The following LMX1B variants were observed in gnomAD, a reference collection of about 807,000 sequenced individuals.
LMX1B encodes LIM homeobox transcription factor 1 beta.
A neutral mutation model predicts 51.4 loss-of-function variants in LMX1B; 12 were observed. The ratio of observed to expected loss-of-function variants is 0.23; its 90% CI spans 0.15 to 0.38. The LOEUF (loss-of-function observed/expected upper bound fraction) is 0.38. LMX1B is among the 10% of genes least tolerant of loss of function. LMX1B has a pLI of 1.00. For missense variants in LMX1B, 445 were observed against 571.1 expected, an observed-to-expected ratio of 0.78 and a Z score of 2.25; for synonymous variants, 237 against 235.4, an observed-to-expected ratio of 1.01 and a Z score of -0.06.
intron 2 of LMX1B, among the ~76,000 whole-genome samples, chr9:126,643,186 C>T (rs533581715): frequency 6.6e-6 from 1 of 152,216 alleles, no homozygotes; most frequent in South Asian, 2.1e-4. Context: ...GGCAGTTCTC[C>T]AGGTAGCTGG....
At chr9:126,628,240 G>T (rs1274314616) in intron 2 of LMX1B, among the ~76,000 whole-genome samples, 2 of 152,190 alleles carry the variant, frequency 1.3e-5, no homozygotes, top group Non-Finnish European at 2.9e-5. Context: ...CCAGTGGGCT[G>T]CTAGGACCTC....
Position 126,695,168 on chromosome 9 carries a change from T to G in LMX1B, c.887-671T>G, listed in dbSNP as rs2030281071. ...CCCTTCCTCTGGCTTCCTCACCCAC[T>G]GGCCCCAGCCTCGGTCTCCTCCTCC... is the stretch of plus-strand genomic sequence containing the variant. On this transcript the variant is annotated intron_variant, in intron 6 of 7. Coordinates refer to ENST00000373474, the MANE Select transcript of LMX1B (RefSeq NM_001174147.2). This position sits in a 1 kb window ranked among gnomAD's most constrained non-coding sequence, Gnocchi z 5.2. Among the ~76,000 whole-genome samples the G allele has an allele frequency of 6.6e-6, 1 of 152,160 alleles. No homozygotes were observed. The highest frequency in any genetic ancestry group is 2.4e-5 in the African/African-American group (1 of 41,434).
In LMX1B at chr9:126,695,732, G is replaced by T; in HGVS notation, c.887-107G>T. 7.7e-7 allele frequency: 1 copy of T among 1,300,446 alleles called. No individual in the cohort carries two copies. Among genetic ancestry groups the T allele is most frequent in the South Asian group, 1.3e-5 (1 of 75,634 alleles). 80.6% of individuals were successfully genotyped at this position (1,300,446 alleles called of 1,614,324 possible). A position where few individuals can be genotyped will look rare whatever the true frequency, so the allele number is the denominator to read the frequency against. ...GTCAGTGTCTGGACAGCTTCAGCCA[G>T]AGTGGGGTGCCTGGGGAGTCCCAAG... On this transcript the variant is annotated intron_variant, in intron 6 of 7. Coordinates refer to ENST00000373474, the MANE Select transcript of LMX1B (RefSeq NM_001174147.2). The surrounding 1 kb of genome is among the most constrained non-coding windows in gnomAD (Gnocchi z 5.2).
chr9:126,630,521 A>G (rs2118858868), intron 2 of LMX1B, among the ~76,000 whole-genome samples: 1 of 152,206 alleles, frequency 6.6e-6, no homozygotes, highest in African/African-American at 2.4e-5. Flanking sequence ...ACAGGGGAGG[A>G]AATTAAAGCA....
At chr9:126,646,266 C>T (rs1442429634) in intron 2 of LMX1B, among the ~76,000 whole-genome samples, 3 of 151,750 alleles carry the variant, frequency 2.0e-5, no homozygotes, top group African/African-American at 7.3e-5. Context: ...GTGCCTGATC[C>T]CTCCCACTCT....
At chr9:126,622,375 G>A (rs1021943131) in intron 2 of LMX1B, among the ~76,000 whole-genome samples, 5 of 152,210 alleles carry the variant, frequency 3.3e-5, no homozygotes, top group African/African-American at 1.2e-4. Context: ...AGCTGGGGAA[G>A]GTTGTGACGG....
At position 126,673,674 on chromosome 9, in the gene LMX1B, G is replaced by T. The variant is rs1157538677; in HGVS notation, c.327-17162G>T. 6.6e-6 allele frequency among the ~76,000 whole-genome samples: 1 copy of T among 152,126 alleles called. No homozygotes were observed. Among genetic ancestry groups the T allele is most frequent in the East Asian group, 1.9e-4 (1 of 5,182 alleles). Reference sequence around the variant, plus strand: ...AGGGGGCATCGGGGGCATGGCTAGGGGCCAGCACTGTGCTTCCTGGGCGCC... The same window carrying T: ...AGGGGGCATCGGGGGCATGGCTAGGTGCCAGCACTGTGCTTCCTGGGCGCC... On this transcript the variant is annotated intron_variant, in intron 2 of 7. Coordinates refer to ENST00000373474, the MANE Select transcript of LMX1B (RefSeq NM_001174147.2). The surrounding 1 kb of genome is among the most constrained non-coding windows in gnomAD (Gnocchi z 4.4).
At position 126,615,377 on chromosome 9, in the gene LMX1B, C is replaced by G; in HGVS notation, c.140-6C>G. 1 of 1,589,010 alleles carries G rather than the reference C, an allele frequency of 6.3e-7. No individual in the cohort carries two copies. Among genetic ancestry groups the G allele is most frequent in the Non-Finnish European group, 8.5e-7 (1 of 1,171,438 alleles). On this transcript the variant is annotated splice_region_variant and splice_polypyrimidine_tract_variant and intron_variant, in intron 1 of 7. Transcript: ENST00000373474. This position sits in a 1 kb window ranked among gnomAD's most constrained non-coding sequence, Gnocchi z 6.0. ...GACGGCCGGGCTTTCGCCCTGTGCG[C>G]TACAGGCTCCGACTGCCCGCATCCC... is the stretch of plus-strand genomic sequence containing the variant.
chr9:126,667,315 C>T (rs538058170), intron 2 of LMX1B, among the ~76,000 whole-genome samples: 30 of 152,370 alleles, frequency 2.0e-4, no homozygotes, highest in African/African-American at 7.0e-4. Context: ...CTGTATCTTG[C>T]AGCCACGACG....
At chr9:126,648,998 C>A (rs1835954284) in intron 2 of LMX1B, among the ~76,000 whole-genome samples, 1 of 152,154 alleles carries the variant, frequency 6.6e-6, no homozygotes, top group South Asian at 2.1e-4. Flanking sequence ...CCATCCAGAA[C>A]CTGGCCTGCT....
chr9:126,669,110 G>A (rs558833464), intron 2 of LMX1B, among the ~76,000 whole-genome samples: 4 of 152,348 alleles, frequency 2.6e-5, no homozygotes, highest in South Asian at 2.1e-4. Context: ...CCCCGAGGGC[G>A]GAGGACGAGG....
At position 126,660,441 on chromosome 9, in the gene LMX1B, G is replaced by A. The variant is rs894975048; in HGVS notation, c.327-30395G>A. Among the ~76,000 whole-genome samples the A allele has an allele frequency of 4.6e-5, 7 of 152,164 alleles. No individual in the cohort carries two copies. The East Asian group carries it at 1.2e-3, about 25-fold the overall frequency. ...GTGACTTCTAAGGGCAGTGTAAATA[G>A]TATAGCAATGAATGTGGATGCTGCA... is the stretch of plus-strand genomic sequence containing the variant. On this transcript the variant is annotated intron_variant, in intron 2 of 7. Transcript: ENST00000373474.
In LMX1B at chr9:126,678,336, A is replaced by C. The variant is rs934144848; in HGVS notation, c.327-12500A>C. Reference sequence around the variant, plus strand: ...AAAAAAAAAAACAAAAAACAAAAAAAAAAAACAAAAAGACTGCGGAGAAGC... The same window carrying C: ...AAAAAAAAAAACAAAAAACAAAAAACAAAAACAAAAAGACTGCGGAGAAGC... On this transcript the variant is annotated intron_variant, in intron 2 of 7. Coordinates refer to ENST00000373474, the MANE Select transcript of LMX1B (RefSeq NM_001174147.2). Among the ~76,000 whole-genome samples, 46 of 132,596 alleles carry C rather than the reference A, an allele frequency of 3.5e-4. 1 individual carries two copies. The highest frequency in any genetic ancestry group is 9.7e-4 in the East Asian group (5 of 5,180). 87.0% of individuals were successfully genotyped at this position (132,596 alleles called of 152,430 possible).
At position 126,614,601 on chromosome 9, in the gene LMX1B, T is replaced by C; in HGVS notation, c.139+13T>C. On this transcript the variant is annotated intron_variant, in intron 1 of 7. Transcript: ENST00000373474. Reference sequence around the variant, plus strand: ...GGGGTGCTGCTGGGTGAGTGCGGGGTCGGAACGCCCGAGTGGTCTCGGGCG... The same window carrying C: ...GGGGTGCTGCTGGGTGAGTGCGGGGCCGGAACGCCCGAGTGGTCTCGGGCG... 6.4e-7 allele frequency: 1 copy of C among 1,567,536 alleles called. No individual in the cohort carries two copies. Among genetic ancestry groups the C allele is most frequent in the Non-Finnish European group, 8.7e-7 (1 of 1,155,162 alleles).
rs115444524 is a variant in LMX1B, at chr9:126,666,675, G to A, written c.327-24161G>A. Among the ~76,000 whole-genome samples the A allele has an allele frequency of 3.6e-3, 546 of 152,336 alleles. 7 individuals carry two copies. The highest frequency in any genetic ancestry group is 0.012 in the African/African-American group (496 of 41,564). On this transcript the variant is annotated intron_variant, in intron 2 of 7. Coordinates refer to ENST00000373474, the MANE Select transcript of LMX1B (RefSeq NM_001174147.2). ...CTGTACGCTGATAACACACTGGGTA[G>A]TCAGGGCTGCCCTGTCCTGTTGCGT...
At chr9:126,689,902 C>T (rs1328951138) in intron 2 of LMX1B, among the ~76,000 whole-genome samples, 5 of 152,162 alleles carry the variant, frequency 3.3e-5, no homozygotes, top group African/African-American at 1.2e-4. Context: ...AGGGTTGTTG[C>T]AAGGATTAAA....
intron 2 of LMX1B, among the ~76,000 whole-genome samples, chr9:126,682,667 T>TG (rs1392539986): frequency 4.6e-5 from 7 of 151,818 alleles, no homozygotes; most frequent in Non-Finnish European, 1.0e-4. Flanking sequence ...GAGCCCTAGG[T>TG]GGGGGGATCA....
chr9:126,689,901 G>C (rs141470762), intron 2 of LMX1B, among the ~76,000 whole-genome samples: 25 of 152,318 alleles, frequency 1.6e-4, no homozygotes, highest in African/African-American at 5.5e-4. Flanking sequence ...CAGGGTTGTT[G>C]CAAGGATTAA....
chr9:126,683,459 G>A (rs1006925458), intron 2 of LMX1B, among the ~76,000 whole-genome samples: 2 of 152,266 alleles, frequency 1.3e-5, no homozygotes, highest in East Asian at 1.9e-4. Context: ...CAGCGAGTCC[G>A]GCAGGGAGGA....
Sources: allele counts gnomAD v4.1 joint callset (sites outside exome capture counted in the v4.1 genomes callset), GRCh38; gene constraint gnomAD v4.1.1; non-coding constraint Gnocchi (gnomAD v3.1); transcripts MANE v1.5; gene names NCBI Gene and HGNC (gene_info 2026-07-23, HGNC 2026-07-21).